The following MUSK variants were observed in gnomAD, a reference collection of about 807,000 sequenced individuals.
MUSK encodes muscle associated receptor tyrosine kinase.
Under a neutral mutation model 88.7 loss-of-function variants are expected in MUSK, and 55 were observed. The ratio of observed to expected loss-of-function variants is 0.62; its 90% CI spans 0.50 to 0.78. The LOEUF is 0.78. Among genes scored for constraint, MUSK ranks in the 30% least tolerant of loss-of-function variants. The pLI is 0.00. For missense variants in MUSK, 1,015 were observed against 1,074.3 expected (o/e 0.94, Z 0.77); for synonymous variants, 387 against 391.9 (o/e 0.99, Z 0.15).
At chr9:110,687,627 G>GCC (rs976483558) in intron 3 of MUSK, among the ~76,000 whole-genome samples, 2 of 152,074 alleles carry the variant, frequency 1.3e-5, no homozygotes, top group Non-Finnish European at 2.9e-5. Flanking sequence ...GAGCCACTGT[G>GCC]CCCCCGCTGA....
intron 3 of MUSK, among the ~76,000 whole-genome samples, chr9:110,688,630 C>A (rs545280127): frequency 6.6e-6 from 1 of 151,866 alleles, no homozygotes; most frequent in Non-Finnish European, 1.5e-5. Flanking sequence ...CCAACACCCC[C>A]GACAGGCCCC....
chr9:110,771,928 C>A (rs1373066664), intron 9 of MUSK, among the ~76,000 whole-genome samples: 1 of 151,984 alleles, frequency 6.6e-6, no homozygotes, highest in African/African-American at 2.4e-5. Context: ...TCCTTGCCAA[C>A]AAATGTGTAT....
intron 8 of MUSK, 61 bp downstream of exon 8, chr9:110,762,269 T>C: frequency 7.6e-7 from 1 of 1,309,768 alleles, no homozygotes; most frequent in Non-Finnish European, 1.0e-6. Flanking sequence ...ATTTCGTTTG[T>C]TTGTTTTTGT....
chr9:110,800,832 C>T lies in MUSK; in HGVS notation c.2454C>T (p.Gly818=). The change falls in exon 15 of 15, where the codon GGC becomes GGT. Residue 818 remains glycine, a synonymous_variant. Coordinates refer to ENST00000374448, the MANE Select transcript of MUSK (RefSeq NM_005592.4). ...HEEVIYYVRD[G]NILSCPENCP... Reference sequence around the variant, plus strand: ...AGGTCATTTACTACGTGCGAGATGGCAACATCCTCTCCTGCCCTGAGAACT... The same window carrying T: ...AGGTCATTTACTACGTGCGAGATGGTAACATCCTCTCCTGCCCTGAGAACT... 5 of 1,611,840 alleles carry T rather than the reference C, an allele frequency of 3.1e-6. No individual in the cohort carries two copies. Among genetic ancestry groups the T allele is most frequent in the Non-Finnish European group, 4.2e-6 (5 of 1,178,332 alleles).
chr9:110,746,128 C>A (rs900931814), intron 6 of MUSK, among the ~76,000 whole-genome samples: 5 of 152,198 alleles, frequency 3.3e-5, no homozygotes, highest in Admixed American at 1.3e-4. Context: ...CAACATGGGA[C>A]GTACCTCCAC....
intron 7 of MUSK, among the ~76,000 whole-genome samples, chr9:110,753,457 A>T (rs1165909562): frequency 2.0e-5 from 3 of 149,912 alleles, no homozygotes; most frequent in African/African-American, 7.4e-5. Context: ...AAAAAAAAAA[A>T]AAAGAGAGAG....
At chr9:110,681,050 TTATATATTATATATATAATATTATATA>T (rs2076111640) in intron 1 of MUSK, among the ~76,000 whole-genome samples, 2 of 21,672 alleles carry the variant, frequency 9.2e-5, no homozygotes, top group African/African-American at 2.4e-4. Flanking sequence ...ATAATATATA[TTATATATTATATATATAATATTATATA>T]TATTATATAA....
At chr9:110,762,344 G>C in intron 8 of MUSK, 136 bp downstream of exon 8, 1 of 524,676 alleles carries the variant, frequency 1.9e-6, no homozygotes, top group Non-Finnish European at 3.1e-6. Context: ...TTTGTTATTT[G>C]ACATGCCATT....
intron 11 of MUSK, among the ~76,000 whole-genome samples, chr9:110,777,375 CT>C (rs1241788619): frequency 1.3e-5 from 2 of 152,126 alleles, no homozygotes; most frequent in East Asian, 3.8e-4. Flanking sequence ...CTAATCTCCT[CT>C]GCATTTGACT....
chr9:110,725,506 A>G (rs1034613089), intron 5 of MUSK, among the ~76,000 whole-genome samples: 2 of 152,040 alleles, frequency 1.3e-5, no homozygotes, highest in Non-Finnish European at 2.9e-5. Flanking sequence ...TTTACCTTGG[A>G]TGTTGAAGTG....
chr9:110,763,882 A>G (rs1218767522), intron 8 of MUSK, among the ~76,000 whole-genome samples: 1 of 152,186 alleles, frequency 6.6e-6, no homozygotes, highest in Non-Finnish European at 1.5e-5. Flanking sequence ...ATTGAATGTG[A>G]TTCATGCGTT....
At chr9:110,733,882 G>A (rs1427450264) in intron 5 of MUSK, among the ~76,000 whole-genome samples, 1 of 152,026 alleles carries the variant, frequency 6.6e-6, no homozygotes, top group Non-Finnish European at 1.5e-5. Context: ...AATGGGGGGA[G>A]GATTACACTT....
At chr9:110,797,296 A>C (rs13293075) in intron 14 of MUSK, among the ~76,000 whole-genome samples, 35 of 152,130 alleles carry the variant, frequency 2.3e-4, no homozygotes, top group East Asian at 7.7e-4. Flanking sequence ...AACAAACAAA[A>C]AAAAAGTTTC....
At chr9:110,689,718 T>TAATTATATATAAATATATAACTATATATA (rs370720549) in intron 3 of MUSK, among the ~76,000 whole-genome samples, 2 of 51,662 alleles carry the variant, frequency 3.9e-5, no homozygotes, top group Non-Finnish European at 5.9e-5. Context: ...TAACTATATA[T>TAATTATATATAAATATATAACTATATATA]GTTATATATA....
rs1683886957 is a variant in MUSK at position 110,784,905 on chromosome 9, A to G, written c.1475A>G (p.Tyr492Cys). The G allele has an allele frequency of 6.2e-7, 1 of 1,613,632 alleles. No individual in the cohort carries two copies. Among genetic ancestry groups the G allele is most frequent in the Non-Finnish European group, 8.5e-7 (1 of 1,179,736 alleles). ...SSSSFSVSPT[Y>C]SMTVIISIMS... ...TCTTCCTTCTCTGTCTCACCTACATACTCCATGACTGTAATAATCTCCATC... is the reference window on the plus strand; with the variant it reads ...TCTTCCTTCTCTGTCTCACCTACATGCTCCATGACTGTAATAATCTCCATC... The change falls in exon 12 of 15, where the codon TAC becomes TGC. Residue 492 changes from tyrosine (Y) to cysteine (C), a missense_variant. By Grantham distance (194) the Tyr-to-Cys change is radical. Transcript: ENST00000374448.
At chr9:110,681,026 ATATTATATAT>A (rs2076106522) in intron 1 of MUSK, among the ~76,000 whole-genome samples, 1 of 28,162 alleles carries the variant, frequency 3.6e-5, no homozygotes, top group South Asian at 5.9e-4. Flanking sequence ...TATATATTAT[ATATTATATAT>A]TATATAATAT....
chr9:110,777,507 A>G (rs2077688891), intron 11 of MUSK, among the ~76,000 whole-genome samples: 1 of 152,136 alleles, frequency 6.6e-6, no homozygotes, highest in Non-Finnish European at 1.5e-5. Context: ...AGAGTTATGG[A>G]AACCTTAAAA....
At chr9:110,707,490 T>C (rs973799993) in intron 5 of MUSK, among the ~76,000 whole-genome samples, 2 of 152,212 alleles carry the variant, frequency 1.3e-5, no homozygotes, top group African/African-American at 4.8e-5. Context: ...AGAAACTGGC[T>C]GAATGTAGTG....
intron 5 of MUSK, among the ~76,000 whole-genome samples, chr9:110,709,831 C>T (rs1204064457): frequency 6.6e-6 from 1 of 152,042 alleles, no homozygotes; most frequent in African/African-American, 2.4e-5. Flanking sequence ...TCATATAGTT[C>T]AATTCCTTAG....
Sources: allele counts gnomAD v4.1 joint callset (sites outside exome capture counted in the v4.1 genomes callset), GRCh38; gene constraint gnomAD v4.1.1; transcripts MANE v1.5; gene names NCBI Gene and HGNC (gene_info 2026-07-23, HGNC 2026-07-21).